Variants in OTOGL observed in about 807,000 individuals in gnomAD.
OTOGL encodes the protein otogelin-like protein.
Under a neutral mutation model 318.5 loss-of-function variants are expected in OTOGL, and 285 were observed. The ratio of observed to expected loss-of-function variants is 0.89; its 90% confidence interval spans 0.81 to 0.99. OTOGL has a LOEUF of 0.99. OTOGL is among the 50% of genes least tolerant of loss of function. The probability of loss-of-function intolerance (pLI) is 0.00; values close to 1 mark genes in which losing one functional copy is unlikely to be tolerated. For synonymous variants in OTOGL, 987 were observed against 936.5 expected, an observed-to-expected ratio of 1.05 and a Z score of -0.99; for missense variants, 2,899 against 2,845.6, an observed-to-expected ratio of 1.02 and a Z score of -0.43.
chr12:80,158,678 A>G (rs1873291538), intron 1 of OTOGL, among the ~76,000 whole-genome samples: 2 of 152,038 alleles, frequency 1.3e-5, no homozygotes, highest in Non-Finnish European at 2.9e-5. Context: ...GTGTACATTA[A>G]TTTTGTATCC....
At chr12:80,204,969 C>A (rs1876709992) in intron 1 of OTOGL, among the ~76,000 whole-genome samples, 1 of 152,054 alleles carries the variant, frequency 6.6e-6, no homozygotes, top group Non-Finnish European at 1.5e-5. Context: ...CAGACATGGA[C>A]CCCAAATTCA....
chr12:80,177,536 C>T (rs964810612), intron 1 of OTOGL, among the ~76,000 whole-genome samples: 1 of 152,072 alleles, frequency 6.6e-6, no homozygotes, highest in Admixed American at 6.6e-5. Context: ...ATCTTGAAAT[C>T]AAGATTGCAA....
intron 44 of OTOGL, among the ~76,000 whole-genome samples, chr12:80,350,913 T>A (rs1889502383): frequency 6.6e-6 from 1 of 152,188 alleles, no homozygotes; most frequent in Non-Finnish European, 1.5e-5. Context: ...TTTGATGCAA[T>A]CCCATGTGTC....
chr12:80,209,646 T>G (rs1412800138), intron 2 of OTOGL, 136 bp downstream of exon 2: 5 of 480,994 alleles, frequency 1.0e-5, no homozygotes, highest in Non-Finnish European at 1.7e-5. Flanking sequence ...CAGATCACCT[T>G]TTAAAAAATT....
intron 46 of OTOGL, 141 bp downstream of exon 46, chr12:80,353,651 A>G: frequency 1.4e-6 from 1 of 702,790 alleles, no homozygotes. Flanking sequence ...TTGTAGTTTG[A>G]TTTTAATATG....
chr12:80,143,566 A>G (rs1353742877), intron 1 of OTOGL, among the ~76,000 whole-genome samples: 1 of 151,938 alleles, frequency 6.6e-6, no homozygotes, highest in Non-Finnish European at 1.5e-5. Flanking sequence ...GGAGTCGTGT[A>G]TAGTTCCCTG....
At chr12:80,204,505 C>T (rs1017378133) in intron 1 of OTOGL, among the ~76,000 whole-genome samples, 3 of 151,936 alleles carry the variant, frequency 2.0e-5, no homozygotes, top group Admixed American at 6.6e-5. Flanking sequence ...TTTTGAAGAA[C>T]GTTTGTTTGT....
chr12:80,312,329 A>G (rs533552955), intron 30 of OTOGL, among the ~76,000 whole-genome samples: 39 of 152,372 alleles, frequency 2.6e-4, no homozygotes, highest in Non-Finnish European at 4.7e-4. Flanking sequence ...GCCACACATT[A>G]AAGAGATTTG....
intron 28 of OTOGL, among the ~76,000 whole-genome samples, chr12:80,304,382 T>C (rs1181831608): frequency 6.6e-6 from 1 of 152,194 alleles, no homozygotes; most frequent in African/African-American, 2.4e-5. Flanking sequence ...ATTCATGTTT[T>C]AAAGTTGTTT....
At chr12:80,112,392 G>C (rs1324891837) in intron 1 of OTOGL, among the ~76,000 whole-genome samples, 2 of 152,176 alleles carry the variant, frequency 1.3e-5, no homozygotes, top group African/African-American at 4.8e-5. Flanking sequence ...GTCATAAAGA[G>C]CTTTTATTAT....
rs11114336 is a variant in OTOGL, at chr12:80,160,419, G to A, written c.-19-48994G>A. Among the ~76,000 whole-genome samples the A allele has an allele frequency of 3.7e-3, 556 of 152,018 alleles. 11 individuals carry two copies. In the East Asian group the frequency reaches 0.052, roughly 14 times the overall value. ...GAAAAAAACAATCCCATCAAAAAGT[G>A]GACTAAGGACATGAATAAGCAATTC... On this transcript the variant is annotated intron_variant, in intron 1 of 58. Transcript: ENST00000547103.
chr12:80,250,535 G>A (rs907112418), intron 11 of OTOGL, among the ~76,000 whole-genome samples: 3 of 152,158 alleles, frequency 2.0e-5, no homozygotes, highest in Non-Finnish European at 4.4e-5. Flanking sequence ...CAGGAATTTA[G>A]CAATTTTAGC....
Position 80,248,958 on chromosome 12 carries a change from G to A in OTOGL, c.1053-2735G>A, listed in dbSNP as rs539957707. Among the ~76,000 whole-genome samples, 307 of 146,916 alleles carry A rather than the reference G, an allele frequency of 2.1e-3. 5 individuals carry two copies. Among genetic ancestry groups the A allele is most frequent in the South Asian group, 4.5e-3 (21 of 4,692 alleles). ...ACCCTTTCTTCCATTTGATCGCATC[G>A]GCTCCTGAGGCTTCTGCATTCTTCA... is the stretch of plus-strand genomic sequence containing the variant. On this transcript the variant is annotated intron_variant, in intron 11 of 58. Coordinates refer to ENST00000547103, the MANE Select transcript of OTOGL (RefSeq NM_001378609.3).
intron 1 of OTOGL, among the ~76,000 whole-genome samples, chr12:80,116,692 A>G (rs1249868127): frequency 1.3e-5 from 2 of 152,166 alleles, no homozygotes. Flanking sequence ...GTAAAAGGAG[A>G]ATGAGACGAG....
intron 44 of OTOGL, among the ~76,000 whole-genome samples, chr12:80,345,463 C>G (rs1021678811): frequency 6.6e-6 from 1 of 151,696 alleles, no homozygotes; most frequent in African/African-American, 2.4e-5. Flanking sequence ...TCTCACACTC[C>G]TGACCTCAAG....
intron 20 of OTOGL, chr12:80,265,734 GA>G (rs1882906670): frequency 1.3e-5 from 2 of 157,590 alleles, no homozygotes; most frequent in Non-Finnish European, 2.8e-5. Context: ...AGACCCATTA[GA>G]ATCTTTTGTG....
chr12:80,337,027 T>C, intron 42 of OTOGL, 23 bp downstream of exon 42: 1 of 1,484,828 alleles, frequency 6.7e-7, no homozygotes, highest in Non-Finnish European at 9.2e-7. Flanking sequence ...AGTTAAAATT[T>C]TTTCTCACAT....
intron 1 of OTOGL, among the ~76,000 whole-genome samples, chr12:80,104,377 G>C (rs1029808644): frequency 6.6e-6 from 1 of 152,124 alleles, no homozygotes; most frequent in Non-Finnish European, 1.5e-5. Flanking sequence ...AGAATCACTG[G>C]GGGAGCTTTA....
At chr12:80,122,913 A>G (rs992491270) in intron 1 of OTOGL, among the ~76,000 whole-genome samples, 2 of 149,472 alleles carry the variant, frequency 1.3e-5, no homozygotes, top group African/African-American at 4.9e-5. Flanking sequence ...TTTATTTTTT[A>G]TTTTTTCTCC....
Sources: gnomAD v4.1 joint callset for allele counts (sites outside exome capture counted in the v4.1 genomes callset) on GRCh38, gnomAD v4.1.1 for gene constraint, MANE v1.5 for transcripts, NCBI Gene and HGNC (gene_info 2026-07-23, HGNC 2026-07-21) for gene names.